Variants in COL11A2 observed in about 807,000 individuals in gnomAD.
COL11A2 encodes the protein collagen type XI alpha 2 chain.
A neutral mutation model predicts 273.4 loss-of-function variants in COL11A2; 116 were observed. The ratio of observed to expected loss-of-function variants is 0.42; its 90% confidence interval spans 0.36 to 0.49. The LOEUF is 0.49. Among genes scored for constraint, COL11A2 ranks in the 20% least tolerant of loss-of-function variants. COL11A2 has a pLI of 0.00. For missense variants in COL11A2, 1,866 were observed against 2,309.0 expected, an observed-to-expected ratio of 0.81 and a Z score of 3.93; for synonymous variants, 782 against 864.2, an observed-to-expected ratio of 0.90 and a Z score of 1.67.
Position 33,170,145 on chromosome 6 carries a change from G to T in COL11A2, c.3583-45C>A. On this transcript the variant is annotated intron_variant, in intron 48 of 65. Coordinates refer to ENST00000341947, the MANE Select transcript of COL11A2 (RefSeq NM_080680.3). This position sits in a 1 kb window ranked among gnomAD's most constrained non-coding sequence, Gnocchi z 4.3. ...AGGTGTCATTGCTTAGGATGGAGGT[G>T]CCATTTCAGGGGCAAAGTCCCAGAT... The T allele has an allele frequency of 5.0e-6, 8 of 1,611,818 alleles. No homozygotes were observed. The highest frequency in any genetic ancestry group is 6.8e-6 in the Non-Finnish European group (8 of 1,178,896).
Position 33,174,238 on chromosome 6 carries a change from G to C in COL11A2, c.2431-20C>G. 6 of 1,557,084 alleles carry C rather than the reference G, an allele frequency of 3.9e-6. No homozygotes were observed. Among genetic ancestry groups the C allele is most frequent in the Non-Finnish European group, 5.2e-6 (6 of 1,150,078 alleles). On this transcript the variant is annotated intron_variant, in intron 31 of 65. Coordinates refer to ENST00000341947, the MANE Select transcript of COL11A2 (RefSeq NM_080680.3). ...GGACCCCTGGTGAGAACGGAGAAGG[G>C]GGGAAATTGAGAAGTTATGAAAGGT... is the stretch of plus-strand genomic sequence containing the variant.
Position 33,173,587 on chromosome 6 carries a change from TGGGGGCAGGGGCTGAGTGGGGGAAC to T in COL11A2, c.2629-57_2629-33del. ...ACAGAGGTGGGGGGAGTCAGGAGAA[TGGGGGCAGGGGCTGAGTGGGGGAAC>T]TCAGCTTCCTTCCTGGGGTGAGGAG... On this transcript the variant is annotated intron_variant, in intron 35 of 65. Transcript: ENST00000341947. The surrounding 1 kb of genome is among the most constrained non-coding windows in gnomAD (Gnocchi z 6.3). The T allele has an allele frequency of 6.3e-6, 3 of 476,840 alleles. No homozygotes were observed. The highest frequency in any genetic ancestry group is 5.7e-5 in the East Asian group (1 of 17,638). The allele number at this position is 476,840 out of a possible 1,614,324, so 29.5% of individuals were successfully genotyped here. A position where few individuals can be genotyped will look rare whatever the true frequency, so the allele number is the denominator to read the frequency against.
At chr6:33,180,179 G>C in intron 12 of COL11A2, 79 bp downstream of exon 12, 4 of 1,359,066 alleles carry the variant, frequency 2.9e-6, no homozygotes, top group Non-Finnish European at 3.2e-6. Flanking sequence ...TATCTTTCCT[G>C]CCCATCTGGT....
chr6:33,166,229 GA>G lies in COL11A2; in HGVS notation c.4393-24del, dbSNP rs1439672203. 71 of 1,591,792 alleles carry G rather than the reference GA, an allele frequency of 4.5e-5. No individual in the cohort carries two copies. In the Admixed American group the frequency reaches 1.3e-3, roughly 28 times the overall value. ...TCCCTGTGAAATGAGGAACAAGAAA[GA>G]GACGGTCACTGCAGGGGAAGGACAG... On this transcript the variant is annotated intron_variant, in intron 60 of 65. Transcript: ENST00000341947. This position sits in a 1 kb window ranked among gnomAD's most constrained non-coding sequence, Gnocchi z 4.8.
At chr6:33,191,944 C>T (rs1773162889) in intron 1 of COL11A2, among the ~76,000 whole-genome samples, 1 of 152,206 alleles carries the variant, frequency 6.6e-6, no homozygotes, top group Non-Finnish European at 1.5e-5. Flanking sequence ...ACCTTTCAGC[C>T]CTATCTGCCC....
chr6:33,177,977 G>GGC lies in COL11A2; in HGVS notation c.1872+154_1872+155insGC. On this transcript the variant is annotated intron_variant, in intron 21 of 65. Transcript: ENST00000341947. This position sits in a 1 kb window ranked among gnomAD's most constrained non-coding sequence, Gnocchi z 5.9. ...CCCTCCCTGTGCACGGGGAGCGAAT[G>GGC]CTGAGGCAGGGCAGTGTGGGGCCAG... 1.1e-6 allele frequency: 1 copy of GGC among 882,820 alleles called. No individual in the cohort carries two copies. Among genetic ancestry groups the GGC allele is most frequent in the African/African-American group, 1.7e-5 (1 of 60,036 alleles). The allele number at this position is 882,820 out of a possible 1,614,324, so 54.7% of individuals were successfully genotyped here. A position where few individuals can be genotyped will look rare whatever the true frequency, so the allele number is the denominator to read the frequency against.
Position 33,176,816 on chromosome 6 carries a change from G to A in COL11A2, c.2071-51C>T, listed in dbSNP as rs1333989160. On this transcript the variant is annotated intron_variant, in intron 25 of 65. Coordinates refer to ENST00000341947, the MANE Select transcript of COL11A2 (RefSeq NM_080680.3). This position sits in a 1 kb window ranked among gnomAD's most constrained non-coding sequence, Gnocchi z 4.9. Reference sequence around the variant, plus strand: ...ACCAGTGGCCCCTGTCACCCTCTCTGCACCCCTCCCTACACTTCTTCCAAC... The same window carrying A: ...ACCAGTGGCCCCTGTCACCCTCTCTACACCCCTCCCTACACTTCTTCCAAC... The A allele has an allele frequency of 6.3e-7, 1 of 1,591,214 alleles. No individual in the cohort carries two copies.
At position 33,176,379 on chromosome 6, in the gene COL11A2, C is replaced by A; in HGVS notation, c.2169+54G>T. On this transcript the variant is annotated intron_variant, in intron 27 of 65. Transcript: ENST00000341947. The surrounding 1 kb of genome is among the most constrained non-coding windows in gnomAD (Gnocchi z 4.9). Reference sequence around the variant, plus strand: ...TTGGAAGGACCAAGCTCCTAAGACCCCATATAGCTCCCCTGACCACAGCCC... The same window carrying A: ...TTGGAAGGACCAAGCTCCTAAGACCACATATAGCTCCCCTGACCACAGCCC... 1 of 1,604,770 alleles carries A rather than the reference C, an allele frequency of 6.2e-7. No homozygotes were observed. Among genetic ancestry groups the A allele is most frequent in the Non-Finnish European group, 8.5e-7 (1 of 1,175,142 alleles).
chr6:33,164,071 A>G lies in COL11A2; in HGVS notation c.5070+196T>C, dbSNP rs1768722002. ...CTGTGTGACGCTGGTGTTTGTACCC[A>G]AGTGAACCTCACCCGATGGCTTCCA... On this transcript the variant is annotated intron_variant, in intron 65 of 65. Transcript: ENST00000341947. This position sits in a 1 kb window ranked among gnomAD's most constrained non-coding sequence, Gnocchi z 4.7. Among the ~76,000 whole-genome samples, 1 of 152,060 alleles carries G rather than the reference A, an allele frequency of 6.6e-6. No homozygotes were observed. The highest frequency in any genetic ancestry group is 1.5e-5 in the Non-Finnish European group (1 of 68,004).
chr6:33,165,158 T>A lies in COL11A2; in HGVS notation c.4751-194A>T, dbSNP rs114840990. On this transcript the variant is annotated intron_variant, in intron 63 of 65. Transcript: ENST00000341947. The surrounding 1 kb of genome is among the most constrained non-coding windows in gnomAD (Gnocchi z 7.7). ...GCAGCATCCTACTGCTGCAGCCCAC[T>A]TTCATCACGTGACACCTCTGCCCCC... Among the ~76,000 whole-genome samples, 3,202 of 151,712 alleles carry A rather than the reference T, an allele frequency of 0.021. 43 individuals are homozygous for A. The highest frequency in any genetic ancestry group is 0.054 in the Middle Eastern group (16 of 294).
At position 33,165,936 on chromosome 6, in the gene COL11A2, G is replaced by A; in HGVS notation, c.4477C>T (p.His1493Tyr). The A allele has an allele frequency of 2.5e-6, 4 of 1,613,980 alleles. No individual in the cohort carries two copies. The highest frequency in any genetic ancestry group is 1.1e-5 in the South Asian group (1 of 91,086). ...GEKGVQGPPG[H>Y]PGPPGEVIQP... ...AGCCCTGACTCCTCACTCACCGGGT[G>A]TCCTGGAGGGCCCTGCACACCCTTC... Residue 1493 changes from histidine (H) to tyrosine (Y), a missense_variant, in exon 62 of 66, where the codon CAC becomes TAC. Coordinates refer to ENST00000341947, the MANE Select transcript of COL11A2 (RefSeq NM_080680.3). The surrounding 1 kb of genome is among the most constrained non-coding windows in gnomAD (Gnocchi z 7.7).
chr6:33,171,009 C>T, intron 45 of COL11A2, 92 bp from the exon 46 acceptor site: 2 of 1,578,322 alleles, frequency 1.3e-6, no homozygotes, highest in South Asian at 1.1e-5. Flanking sequence ...CAGCTGGGTG[C>T]CAGGCCCAGA....
chr6:33,166,275 G>A lies in COL11A2; in HGVS notation c.4393-69C>T. The A allele has an allele frequency of 6.4e-7, 1 of 1,551,080 alleles. No homozygotes were observed. The highest frequency in any genetic ancestry group is 8.7e-7 in the Non-Finnish European group (1 of 1,145,340). On this transcript the variant is annotated intron_variant, in intron 60 of 65. Transcript: ENST00000341947. This position sits in a 1 kb window ranked among gnomAD's most constrained non-coding sequence, Gnocchi z 4.8. ...GGACAGGACTCAGAGGAGCGGGGAGGCAAGGTCCCAAGTCCACAGGAGCCT... is the reference window on the plus strand; with the variant it reads ...GGACAGGACTCAGAGGAGCGGGGAGACAAGGTCCCAAGTCCACAGGAGCCT...
intron 8 of COL11A2, among the ~76,000 whole-genome samples, chr6:33,181,728 C>T (rs1263966282): frequency 2.0e-5 from 3 of 151,904 alleles, no homozygotes; most frequent in South Asian, 2.1e-4. Flanking sequence ...TCAGGTGATC[C>T]GCCTGCCTTG....
At position 33,175,880 on chromosome 6, in the gene COL11A2, G is replaced by A. The variant is rs1000411560; in HGVS notation, c.2268+136C>T. ...AGACCATGGGGCTATCATCCTGTAG[G>A]GGTCAGGCTCCCAAGGGAACACAGC... On this transcript the variant is annotated intron_variant, in intron 29 of 65. Transcript: ENST00000341947. 6 of 1,174,094 alleles carry A rather than the reference G, an allele frequency of 5.1e-6. No homozygotes were observed. The African/African-American group carries it at 9.1e-5, about 18-fold the overall frequency. The allele number at this position is 1,174,094 out of a possible 1,614,324, so 72.7% of individuals were successfully genotyped here.
intron 11 of COL11A2, 59 bp downstream of exon 11, chr6:33,180,609 C>G (rs537705049): frequency 1.3e-5 from 19 of 1,484,748 alleles, no homozygotes; most frequent in East Asian, 4.9e-5. Flanking sequence ...GGTAGCCCCC[C>G]GCTTGGATAC....
chr6:33,183,754 C>G (rs1253098093), intron 8 of COL11A2, among the ~76,000 whole-genome samples: 4 of 151,918 alleles, frequency 2.6e-5, no homozygotes, highest in Admixed American at 1.3e-4. Flanking sequence ...GAAACATGAA[C>G]AAAAAATTAT....
chr6:33,175,592 T>C lies in COL11A2; in HGVS notation c.2358A>G (p.Pro786=), dbSNP rs780918945. ...CCATCACCTTCTCGCCCATGAGCCC[T>C]GGGGGCCCAGGGTCTCCAGTCGGTC... The part of the protein sequence containing the change: ...RTGPTGDPGP[P]GLMGEKGKLG... The change falls in exon 30 of 66, where the codon CCA becomes CCG. Residue 786 remains proline (P), a synonymous_variant. Transcript: ENST00000341947. 6.2e-7 allele frequency: 1 copy of C among 1,612,708 alleles called. No individual in the cohort carries two copies. The highest frequency in any genetic ancestry group is 1.3e-5 in the African/African-American group (1 of 74,880).
At position 33,181,189 on chromosome 6, in the gene COL11A2, T is replaced by C; in HGVS notation, c.1120-19A>G. On this transcript the variant is annotated intron_variant, in intron 8 of 65. Coordinates refer to ENST00000341947, the MANE Select transcript of COL11A2 (RefSeq NM_080680.3). ...GGGCAGCCTGAAGGAGACACACATG[T>C]AGCCCCCAGTGGGGCCCGTGAGCAG... 2 of 1,614,044 alleles carry C rather than the reference T, an allele frequency of 1.2e-6. No individual in the cohort carries two copies. Among genetic ancestry groups the C allele is most frequent in the Non-Finnish European group, 1.7e-6 (2 of 1,179,918 alleles).
Sources: allele counts gnomAD v4.1 joint callset (sites outside exome capture counted in the v4.1 genomes callset), GRCh38; gene constraint gnomAD v4.1.1; non-coding constraint Gnocchi (gnomAD v3.1); transcripts MANE v1.5; gene names NCBI Gene and HGNC (gene_info 2026-07-23, HGNC 2026-07-21).